The following CYFIP1 variants were observed in gnomAD, a reference collection of about 807,000 sequenced individuals.
CYFIP1 encodes the protein cytoplasmic FMR1 interacting protein 1.
Under a neutral mutation model 163.5 loss-of-function variants are expected in CYFIP1, and 58 were observed. The ratio of observed to expected loss-of-function variants is 0.35; its 90% CI spans 0.29 to 0.44. The LOEUF is 0.44. CYFIP1 is among the 20% of genes least tolerant of loss of function. The probability of loss-of-function intolerance (pLI) is 1.00; values close to 1 mark genes in which losing one functional copy is unlikely to be tolerated. For missense variants in CYFIP1, 1,338 were observed against 1,653.8 expected, an observed-to-expected ratio of 0.81 and a Z score of 3.31; for synonymous variants, 663 against 660.7, an observed-to-expected ratio of 1.00 and a Z score of -0.05.
At chr15:22,935,682 T>C (rs1822888) in intron 9 of CYFIP1, among the ~76,000 whole-genome samples, 1 of 152,146 alleles carries the variant, frequency 6.6e-6, no homozygotes, top group African/African-American at 2.4e-5. Flanking sequence ...TTCCGCAGCA[T>C]AGTTAAGTTC....
In CYFIP1 at chr15:22,869,982, G is replaced by C. The variant is rs528486181; in HGVS notation, c.*46C>G. 4.2e-4 allele frequency: 641 copies of C among 1,511,990 alleles called. 8 individuals carry two copies. The South Asian group carries it at 8.0e-3, about 19-fold the overall frequency. The allele number at this position is 1,511,990 out of a possible 1,614,324, so 93.7% of individuals were successfully genotyped here. A position where few individuals can be genotyped will look rare whatever the true frequency, so the allele number is the denominator to read the frequency against. On this transcript the variant is annotated 3_prime_UTR_variant, in exon 31 of 31. Coordinates refer to ENST00000617928, the MANE Select transcript of CYFIP1 (RefSeq NM_014608.6). ...TAAAAATCTCACTAAATAGTTTACG[G>C]AGAGAAAGGCATGCCATGTTGAGTT...
Position 22,879,907 on chromosome 15 carries a change from A to G in CYFIP1, c.3042+6T>C. ...CGGGGAGGGGCGGCGTTGGGGGGCCACTCACCAGGCTCTGCTCGATGAGCA... is the reference window on the plus strand; with the variant it reads ...CGGGGAGGGGCGGCGTTGGGGGGCCGCTCACCAGGCTCTGCTCGATGAGCA... On this transcript the variant is annotated splice_donor_region_variant and intron_variant, in intron 26 of 30. Transcript: ENST00000617928. 6.2e-7 allele frequency: 1 copy of G among 1,609,228 alleles called. No individual in the cohort carries two copies. The highest frequency in any genetic ancestry group is 8.5e-7 in the Non-Finnish European group (1 of 1,178,976).
chr15:22,868,908 A>AAAC lies in CYFIP1; in HGVS notation c.*1117_*1119dup, dbSNP rs1407304915. The stretch of plus-strand genomic sequence containing the variant: ...TTTATCTGTAGTATTCATCTACAAT[A>AAAC]AACAGGCATAGCATCTTTTTCCATT... On this transcript the variant is annotated 3_prime_UTR_variant, in exon 31 of 31. Transcript: ENST00000617928. 1 of 133,722 alleles carries AAAC rather than the reference A, an allele frequency of 7.5e-6. No individual in the cohort carries two copies. The highest frequency in any genetic ancestry group is 1.6e-5 in the Non-Finnish European group (1 of 63,762). 8.3% of individuals were successfully genotyped at this position (133,722 alleles called of 1,614,324 possible). A position where few individuals can be genotyped will look rare whatever the true frequency, so the allele number is the denominator to read the frequency against.
chr15:22,910,630 T>C lies in CYFIP1; in HGVS notation c.2160-2A>G. 1 of 1,613,576 alleles carries C rather than the reference T, an allele frequency of 6.2e-7. No individual in the cohort carries two copies. Among genetic ancestry groups the C allele is most frequent in the Non-Finnish European group, 8.5e-7 (1 of 1,179,454 alleles). ...CGTAACCGTTTATCAAGAAGCAAAC[T>C]AGTGTAGAAGGAAGACAGAAAGTTT... On this transcript the variant is annotated splice_acceptor_variant, in intron 19 of 30. Transcript: ENST00000617928. LOFTEE classifies it high-confidence loss of function.
intron 22 of CYFIP1, among the ~76,000 whole-genome samples, chr15:22,893,661 C>T (rs1243635436): frequency 2.0e-5 from 3 of 152,172 alleles, no homozygotes; most frequent in Non-Finnish European, 4.4e-5. Context: ...TGCTGTCCCA[C>T]ACAATGTGTG....
At chr15:22,941,616 T>TA (rs1189904730) in intron 6 of CYFIP1, among the ~76,000 whole-genome samples, 5 of 151,892 alleles carry the variant, frequency 3.3e-5, no homozygotes, top group African/African-American at 4.8e-5. Context: ...GGGTCCCAGA[T>TA]AGAGGTCAGA....
In CYFIP1 at chr15:22,868,617, A is replaced by ATTGTT. The variant is rs1394515053; in HGVS notation, c.*1406_*1410dup. 1 of 151,926 alleles carries ATTGTT rather than the reference A, an allele frequency of 6.6e-6. No individual in the cohort carries two copies. The highest frequency in any genetic ancestry group is 6.6e-5 in the Admixed American group (1 of 15,262). 9.4% of individuals were successfully genotyped at this position (151,926 alleles called of 1,614,324 possible). Reference sequence around the variant, plus strand: ...GGGAACTTTTTATAAAGAAAGAATAATTGTTTGTTAGGCTTCATGTCACTT... The same window carrying ATTGTT: ...GGGAACTTTTTATAAAGAAAGAATAATTGTTTTGTTTGTTAGGCTTCATGTCACTT... On this transcript the variant is annotated 3_prime_UTR_variant, in exon 31 of 31. Transcript: ENST00000617928.
In CYFIP1 at chr15:22,875,287, A is replaced by G; in HGVS notation, c.3043-16T>C. ...CTTCTAAAGACTAGAGCAGAGAAAG[A>G]GAGGGTCAAGCTAGGAAGGGTATCT... On this transcript the variant is annotated splice_polypyrimidine_tract_variant and intron_variant, in intron 26 of 30. Transcript: ENST00000617928. The G allele has an allele frequency of 6.2e-7, 1 of 1,612,754 alleles. No homozygotes were observed. The highest frequency in any genetic ancestry group is 1.1e-5 in the South Asian group (1 of 91,048).
Position 22,871,026 on chromosome 15 carries a change from G to A in CYFIP1, c.3598-834C>T, listed in dbSNP as rs113493835. 3.0e-3 allele frequency among the ~76,000 whole-genome samples: 457 copies of A among 152,322 alleles called. 2 individuals carry two copies. The highest frequency in any genetic ancestry group is 0.011 in the African/African-American group (439 of 41,564). On this transcript the variant is annotated intron_variant, in intron 30 of 30. Transcript: ENST00000617928. ...GATGCCAACAGCGGCGGTGGGGTGA[G>A]GAGCAGCCCGGGCGTAAGCAAGCGG...
intron 24 of CYFIP1, 110 bp from the exon 25 acceptor site, chr15:22,882,046 G>T: frequency 1.1e-6 from 1 of 875,010 alleles, no homozygotes; most frequent in Non-Finnish European, 1.8e-6. Flanking sequence ...TCGGTAACCA[G>T]CAAGGCTGCA....
At chr15:22,941,422 G>T (rs2061889325) in intron 6 of CYFIP1, among the ~76,000 whole-genome samples, 1 of 152,080 alleles carries the variant, frequency 6.6e-6, no homozygotes, top group South Asian at 2.1e-4. Flanking sequence ...TAAGGAAAGG[G>T]TCAAGGATAC....
chr15:22,961,729 T>C (rs1289196086), intron 1 of CYFIP1, among the ~76,000 whole-genome samples: 1 of 152,150 alleles, frequency 6.6e-6, no homozygotes, highest in Non-Finnish European at 1.5e-5. Context: ...TGCCTGTTTG[T>C]TTTTTTAAAA....
At chr15:22,969,256 C>T (rs2063008529) in intron 1 of CYFIP1, among the ~76,000 whole-genome samples, 1 of 152,128 alleles carries the variant, frequency 6.6e-6, no homozygotes, top group African/African-American at 2.4e-5. Flanking sequence ...ACCTGGGAGC[C>T]ACAGTTCAAC....
At position 22,878,267 on chromosome 15, in the gene CYFIP1, G is replaced by A. The variant is rs1404283192; in HGVS notation, c.3042+1646C>T. The stretch of plus-strand genomic sequence containing the variant: ...AAGAAGAAGGAGCAAGGCAGGGAAC[G>A]CGGCAAGTGGGGACTCGAGAGTCAT... On this transcript the variant is annotated intron_variant, in intron 26 of 30. Coordinates refer to ENST00000617928, the MANE Select transcript of CYFIP1 (RefSeq NM_014608.6). 4.6e-5 allele frequency among the ~76,000 whole-genome samples: 7 copies of A among 152,214 alleles called. No homozygotes were observed. The East Asian group carries it at 1.2e-3, about 25-fold the overall frequency.
In CYFIP1 at chr15:22,873,545, C is replaced by A; in HGVS notation, c.3395G>T (p.Ser1132Ile). Residue 1132 changes from serine (S) to isoleucine (I), a missense_variant, in exon 29 of 31, where the codon AGT becomes ATT. Around this residue, in one of 4 missense-constraint regions of CYFIP1, gnomAD observed 306 missense variants for 322.1 expected, o/e 0.95. Transcript: ENST00000617928. ...DECVEFHRLW[S>I]AMQFVYCIPV... The stretch of plus-strand genomic sequence containing the variant: ...AATGCAGTAGACAAACTGCATGGCA[C>A]TCCACAGTCTGTGAAACTCCACACA... The A allele has an allele frequency of 6.2e-7, 1 of 1,614,246 alleles. No homozygotes were observed. The highest frequency in any genetic ancestry group is 8.5e-7 in the Non-Finnish European group (1 of 1,180,040).
intron 1 of CYFIP1, among the ~76,000 whole-genome samples, chr15:22,965,906 T>G (rs1567042425): frequency 6.6e-6 from 1 of 152,094 alleles, no homozygotes; most frequent in Non-Finnish European, 1.5e-5. Flanking sequence ...AAACAAACTG[T>G]TATGGGCTGA....
At chr15:22,886,129 A>T (rs1356848738) in intron 23 of CYFIP1, among the ~76,000 whole-genome samples, 1 of 152,074 alleles carries the variant, frequency 6.6e-6, no homozygotes, top group Non-Finnish European at 1.5e-5. Context: ...CCCCTTATAA[A>T]ACCATCAGAT....
chr15:22,932,029 G>A (rs756509153), intron 11 of CYFIP1, among the ~76,000 whole-genome samples, 194 bp downstream of exon 11: 5 of 152,212 alleles, frequency 3.3e-5, no homozygotes, highest in Non-Finnish European at 7.3e-5. Context: ...AGGCTAGCAT[G>A]AGGACACGAT....
intron 1 of CYFIP1, among the ~76,000 whole-genome samples, chr15:22,974,092 T>C (rs1350277475): frequency 1.3e-5 from 2 of 152,190 alleles, no homozygotes; most frequent in South Asian, 2.1e-4. Context: ...TAAATCAGTA[T>C]AGCCATTGTA....
Sources: allele counts gnomAD v4.1 joint callset (sites outside exome capture counted in the v4.1 genomes callset), GRCh38; gene constraint gnomAD v4.1.1; regional missense constraint gnomAD v4.1.1; transcripts MANE v1.5; gene names NCBI Gene and HGNC (gene_info 2026-07-23, HGNC 2026-07-21).